The following PKHD1 variants were observed in gnomAD, a reference collection of about 807,000 sequenced individuals.
PKHD1 encodes PKHD1 ciliary IPT domain containing fibrocystin/polyductin.
A neutral mutation model predicts 412.0 loss-of-function variants in PKHD1; 291 were observed. That is an observed-to-expected ratio of 0.71 (90% CI 0.64 to 0.78). The LOEUF (loss-of-function observed/expected upper bound fraction) is 0.78. Among genes scored for constraint, PKHD1 ranks in the 30% least tolerant of loss-of-function variants. PKHD1 has a pLI of 0.00. For synonymous variants in PKHD1, 1,777 were observed against 1,821.5 expected, an observed-to-expected ratio of 0.98 and a Z score of 0.62; for missense variants, 4,825 against 4,950.7, an observed-to-expected ratio of 0.97 and a Z score of 0.76.
At chr6:51,790,387 A>G (rs1400097149) in intron 53 of PKHD1, among the ~76,000 whole-genome samples, 1 of 152,130 alleles carries the variant, frequency 6.6e-6, no homozygotes, top group Non-Finnish European at 1.5e-5. Context: ...TGGTTAATAC[A>G]CTACCCTAGA....
At chr6:51,828,096 T>C in intron 52 of PKHD1, among the ~76,000 whole-genome samples, 1 of 152,108 alleles carries the variant, frequency 6.6e-6, no homozygotes, top group African/African-American at 2.4e-5. Context: ...AAGTTAAGAA[T>C]GCGGATGGTA....
In PKHD1 at chr6:51,791,347, G is replaced by A; in HGVS notation, c.8329C>T (p.Leu2777Phe). The A allele has an allele frequency of 6.2e-7, 1 of 1,613,552 alleles. No homozygotes were observed. Among genetic ancestry groups the A allele is most frequent in the African/African-American group, 1.3e-5 (1 of 75,016 alleles). ...ACATACAGCCCTTTGAAGAATGGAA[G>A]ATCTGTATCCACAAGGACAGTTCTG... ...PNRTVLVDTD[L>F]PFFKGLYVMG... Residue 2777 changes from leucine to phenylalanine, a missense_variant, in exon 53 of 67, where the codon CTT (leucine) becomes TTT (phenylalanine). Leu to Phe is a conservative substitution (Grantham distance 22). Transcript: ENST00000371117.
chr6:51,642,845 A>G (rs1769550965), intron 63 of PKHD1, among the ~76,000 whole-genome samples: 1 of 152,140 alleles, frequency 6.6e-6, no homozygotes, highest in South Asian at 2.1e-4. Context: ...GCCTCAAAAA[A>G]AAGTAAGGTA....
Position 51,830,899 on chromosome 6 carries a change from G to A in PKHD1, c.8264C>T (p.Thr2755Ile). The A allele has an allele frequency of 6.2e-7, 1 of 1,612,676 alleles. No homozygotes were observed. ...VEEGWGGYNN[T>I]IPGPGDDVLI... ...AACGTCATCCCCAGGGCCTGGAATG[G>A]TATTGTTGTATCCTCCCCAGCCTTC... is the stretch of plus-strand genomic sequence containing the variant. The change falls in exon 52 of 67, where the codon ACC (threonine) becomes ATC (isoleucine). Residue 2755 changes from threonine (T) to isoleucine (I), a missense_variant. Thr to Ile is a moderately conservative substitution (Grantham distance 89). Coordinates refer to ENST00000371117, the MANE Select transcript of PKHD1 (RefSeq NM_138694.4).
intron 47 of PKHD1, among the ~76,000 whole-genome samples, chr6:51,869,945 AC>A (rs1220613680): frequency 6.6e-6 from 1 of 152,134 alleles, no homozygotes; most frequent in Non-Finnish European, 1.5e-5. Context: ...TACCTCTTTC[AC>A]CTTGGCCCAT....
chr6:51,842,794 G>A (rs1047017798), intron 50 of PKHD1, among the ~76,000 whole-genome samples: 2 of 152,230 alleles, frequency 1.3e-5, no homozygotes, highest in African/African-American at 4.8e-5. Context: ...GGGGGACCCA[G>A]CTGCCTAAGT....
At chr6:51,802,312 T>C (rs1342329188) in intron 52 of PKHD1, among the ~76,000 whole-genome samples, 1 of 151,544 alleles carries the variant, frequency 6.6e-6, no homozygotes, top group East Asian at 1.9e-4. Context: ...AGGAACAATA[T>C]GCATTTTGAT....
In PKHD1 at chr6:51,648,838, G is replaced by A. The variant is rs1770481663; in HGVS notation, c.11310+247C>T. Among the ~76,000 whole-genome samples, 3 of 152,186 alleles carry A rather than the reference G, an allele frequency of 2.0e-5. No homozygotes were observed. In the East Asian group the frequency reaches 5.8e-4, roughly 29 times the overall value. ...ACAGATCTACTTCAAGAATTTGGTT[G>A]GGGAGGAAAAGTATCAGAATTTTAT... On this transcript the variant is annotated intron_variant, in intron 62 of 66. Transcript: ENST00000371117.
At chr6:51,894,236 C>T (rs1285903784) in intron 43 of PKHD1, among the ~76,000 whole-genome samples, 1 of 152,158 alleles carries the variant, frequency 6.6e-6, no homozygotes, top group Non-Finnish European at 1.5e-5. Context: ...GAACCACCAC[C>T]AACTTGCTTT....
At position 51,901,214 on chromosome 6, in the gene PKHD1, T is replaced by C. The variant is rs532588115; in HGVS notation, c.6996+2383A>G. 5.9e-4 allele frequency among the ~76,000 whole-genome samples: 90 copies of C among 152,296 alleles called. No homozygotes were observed. The Middle Eastern group carries it at 0.01, about 17-fold the overall frequency. Reference sequence around the variant, plus strand: ...TAAATCATGCTGCTATAAAGACACATGCACACGTATGTTTATTGCGGCATT... The same window carrying C: ...TAAATCATGCTGCTATAAAGACACACGCACACGTATGTTTATTGCGGCATT... On this transcript the variant is annotated intron_variant, in intron 43 of 66. Transcript: ENST00000371117.
At chr6:51,658,220 C>A (rs1432893157) in intron 61 of PKHD1, among the ~76,000 whole-genome samples, 1 of 151,960 alleles carries the variant, frequency 6.6e-6, no homozygotes. Context: ...GTTAACAATT[C>A]CCAAAGGCCT....
At chr6:51,994,914 C>T (rs1316317478) in intron 35 of PKHD1, among the ~76,000 whole-genome samples, 2 of 152,130 alleles carry the variant, frequency 1.3e-5, no homozygotes, top group African/African-American at 4.8e-5. Flanking sequence ...CCTCCAAGCA[C>T]ACAGGTAGGT....
At chr6:51,859,408 C>G (rs1336989764) in intron 48 of PKHD1, among the ~76,000 whole-genome samples, 1 of 151,546 alleles carries the variant, frequency 6.6e-6, no homozygotes, top group African/African-American at 2.4e-5. Flanking sequence ...CGCCTGTAGT[C>G]CCAGCTACTC....
At chr6:51,960,812 C>T (rs1188022884) in intron 35 of PKHD1, among the ~76,000 whole-genome samples, 1 of 152,110 alleles carries the variant, frequency 6.6e-6, no homozygotes, top group Non-Finnish European at 1.5e-5. Flanking sequence ...TTCAGTCCCT[C>T]TCTCAGAACT....
intron 33 of PKHD1, among the ~76,000 whole-genome samples, chr6:52,020,604 T>G (rs1448631056): frequency 6.6e-6 from 1 of 152,178 alleles, no homozygotes; most frequent in Non-Finnish European, 1.5e-5. Flanking sequence ...CCAGAACTGC[T>G]GCCATAGAGG....
chr6:52,021,993 T>C (rs1214705025), intron 33 of PKHD1, among the ~76,000 whole-genome samples: 1 of 152,184 alleles, frequency 6.6e-6, no homozygotes, highest in African/African-American at 2.4e-5. Flanking sequence ...AGGTACAAGA[T>C]TTATGATTAG....
At chr6:51,862,608 A>AG (rs1774364865) in intron 48 of PKHD1, among the ~76,000 whole-genome samples, 1 of 152,204 alleles carries the variant, frequency 6.6e-6, no homozygotes, top group Non-Finnish European at 1.5e-5. Context: ...TCACAGAGGC[A>AG]GGGGGTGACT....
At chr6:51,639,507 C>T (rs1769060458) in intron 63 of PKHD1, among the ~76,000 whole-genome samples, 1 of 151,806 alleles carries the variant, frequency 6.6e-6, no homozygotes, top group African/African-American at 2.4e-5. Flanking sequence ...TGGCAATCTA[C>T]CAAATAATGA....
chr6:51,781,358 C>G (rs533686211), intron 53 of PKHD1, among the ~76,000 whole-genome samples: 1 of 152,260 alleles, frequency 6.6e-6, no homozygotes, highest in East Asian at 1.9e-4. Context: ...TAGGCATTAT[C>G]AAATTATAAT....
Sources: allele counts gnomAD v4.1 joint callset (sites outside exome capture counted in the v4.1 genomes callset), GRCh38; gene constraint gnomAD v4.1.1; transcripts MANE v1.5; gene names NCBI Gene and HGNC (gene_info 2026-07-23, HGNC 2026-07-21).